PIGN: variants seen among roughly 807,000 people sequenced by gnomAD.
PIGN encodes the protein GPI ethanolamine phosphate transferase 1.
Under a neutral mutation model 125.4 loss-of-function variants are expected in PIGN, and 117 were observed. The ratio of observed to expected loss-of-function variants is 0.93; its 90% CI spans 0.80 to 1.09. The LOEUF is 1.09. Among genes scored for constraint, PIGN ranks in the 50% least tolerant of loss-of-function variants. The pLI, the probability that PIGN is intolerant of heterozygous loss-of-function variation, is 0.00. For synonymous variants in PIGN, 392 were observed against 377.8 expected (o/e 1.04, Z -0.44); for missense variants, 1,075 against 1,094.9 (o/e 0.98, Z 0.26).
At chr18:62,106,378 C>T (rs2034638979) in intron 19 of PIGN, among the ~76,000 whole-genome samples, 1 of 105,752 alleles carries the variant, frequency 9.5e-6, no homozygotes, top group African/African-American at 2.6e-5. Context: ...CATACTTATC[C>T]AGAAAAAAAA....
At chr18:62,023,387 G>A (rs1276597250) in intron 23 of PIGN, among the ~76,000 whole-genome samples, 1 of 152,120 alleles carries the variant, frequency 6.6e-6, no homozygotes, top group East Asian at 1.9e-4. Flanking sequence ...CACCCATGTG[G>A]TAGCATGTAC....
chr18:62,113,760 T>C (rs1020524723), intron 15 of PIGN, among the ~76,000 whole-genome samples: 5 of 152,230 alleles, frequency 3.3e-5, no homozygotes, highest in African/African-American at 1.2e-4. Flanking sequence ...TTTAAAATCA[T>C]CAAAAAAAGC....
At chr18:62,047,543 C>T (rs1452186228) in intron 30 of PIGN, among the ~76,000 whole-genome samples, 1 of 152,118 alleles carries the variant, frequency 6.6e-6, no homozygotes, top group East Asian at 1.9e-4. Context: ...GTCATGAAGG[C>T]AGTAGTGGAG....
chr18:62,103,037 G>T, intron 20 of PIGN, 135 bp from the exon 21 acceptor site: 2 of 431,668 alleles, frequency 4.6e-6, no homozygotes, highest in Non-Finnish European at 4.1e-6. Flanking sequence ...TAGCAAAATG[G>T]GTACATTTTC....
intron 23 of PIGN, among the ~76,000 whole-genome samples, chr18:62,094,988 TA>T (rs1440111870): frequency 6.6e-6 from 1 of 152,176 alleles, no homozygotes; most frequent in African/African-American, 2.4e-5. Flanking sequence ...CTATGACAAC[TA>T]AGTTTCCAAA....
intron 9 of PIGN, among the ~76,000 whole-genome samples, chr18:62,146,442 C>T (rs2036331444): frequency 6.6e-6 from 1 of 152,162 alleles, no homozygotes; most frequent in African/African-American, 2.4e-5. Flanking sequence ...TCTCTGGGTC[C>T]TTTTCTTCCA....
At chr18:62,161,104 G>T in intron 4 of PIGN, 29 bp downstream of exon 4, 2 of 1,400,340 alleles carry the variant, frequency 1.4e-6, no homozygotes, top group South Asian at 1.2e-5. Context: ...CATTTTAAGA[G>T]ATGTCTCTGT....
At chr18:62,157,637 A>G (rs2036786570) in intron 5 of PIGN, 50 bp downstream of exon 5, 1 of 1,541,542 alleles carries the variant, frequency 6.5e-7, no homozygotes. Context: ...AAGGACTAAT[A>G]TTTACTTGAC....
At chr18:62,036,511 C>G (rs2030263034), downstream of PIGN, among the ~76,000 whole-genome samples, 1 of 152,082 alleles carries the variant, frequency 6.6e-6, no homozygotes, top group African/African-American at 2.4e-5. Flanking sequence ...ACATGTGAAC[C>G]GTGGATTATG....
rs1254837036 is a variant in PIGN, at chr18:62,101,226, G to A, written c.1969-43C>T. ...ATAGGTTAAAAAAAGAGAAGGTAGT[G>A]AAAGACTCTAACTAGCAAGAATGTA... On this transcript the variant is annotated intron_variant, in intron 21 of 30. Coordinates refer to ENST00000640252, the MANE Select transcript of PIGN (RefSeq NM_176787.5). The A allele has an allele frequency of 2.7e-6, 3 of 1,102,280 alleles. No homozygotes were observed. The South Asian group carries it at 3.9e-5, about 14-fold the overall frequency. 68.3% of individuals were successfully genotyped at this position (1,102,280 alleles called of 1,614,324 possible).
chr18:62,179,026 T>C (rs1376728771), intron 1 of PIGN, among the ~76,000 whole-genome samples: 2 of 152,184 alleles, frequency 1.3e-5, no homozygotes, highest in African/African-American at 4.8e-5. Context: ...CTTGTGAGTT[T>C]TGAGGAGTAC....
intron 22 of PIGN, among the ~76,000 whole-genome samples, chr18:62,097,982 A>G (rs2034281045): frequency 6.6e-6 from 1 of 152,184 alleles, no homozygotes; most frequent in Admixed American, 6.5e-5. Context: ...GTTGGGATGA[A>G]ATCCCGGCTG....
At chr18:62,153,688 C>A (rs1216494412) in intron 7 of PIGN, 2 of 151,898 alleles carry the variant, frequency 1.3e-5, no homozygotes, top group Non-Finnish European at 2.9e-5. Flanking sequence ...AAGGGAAAAA[C>A]CCTTGGAAAA....
chr18:62,020,433 A>T (rs1002101925), intron 23 of PIGN, among the ~76,000 whole-genome samples: 4 of 152,208 alleles, frequency 2.6e-5, no homozygotes, highest in Admixed American at 2.6e-4. Flanking sequence ...ATCTGGAACC[A>T]GGAGAAAAGT....
chr18:62,132,735 T>C (rs2035786209), intron 14 of PIGN, among the ~76,000 whole-genome samples: 1 of 152,210 alleles, frequency 6.6e-6, no homozygotes, highest in South Asian at 2.1e-4. Flanking sequence ...ATCTTTTCCA[T>C]ATGACTGTTA....
intron 18 of PIGN, 46 bp from the exon 19 acceptor site, chr18:62,106,927 T>C: frequency 6.5e-7 from 1 of 1,542,078 alleles, no homozygotes; most frequent in East Asian, 2.4e-5. Flanking sequence ...GGTCATTTAA[T>C]ACTAGTTACA....
downstream of PIGN, among the ~76,000 whole-genome samples, chr18:62,038,312 T>TG (rs1325573497): frequency 6.9e-5 from 7 of 101,924 alleles, no homozygotes; most frequent in Non-Finnish European, 1.9e-4. Flanking sequence ...CTCCGTGTTT[T>TG]TTTTTTTTTT....
Position 62,102,892 on chromosome 18 carries a change from C to T in PIGN, c.1870G>A (p.Gly624Ser). 2 of 1,561,006 alleles carry T rather than the reference C, an allele frequency of 1.3e-6. No homozygotes were observed. Among genetic ancestry groups the T allele is most frequent in the Admixed American group, 1.9e-5 (1 of 51,792 alleles). Residue 624 changes from glycine (G) to serine (S), a missense_variant, in exon 21 of 31, where the codon GGC becomes AGC. Gly to Ser is a moderately conservative substitution (Grantham distance 56). This residue lies in a region of PIGN where 915 missense variants were observed against 908.7 expected (regional missense o/e 1.01). Coordinates refer to ENST00000640252, the MANE Select transcript of PIGN (RefSeq NM_176787.5). ...KPDISLVMGAGLLVLLLSLCV... is the reference protein window; with the variant it reads ...KPDISLVMGASLLVLLLSLCV... ...AGGGATAACAGAAGAACCAGCAAGC[C>T]TGCACCCATCCTGTTTTGAAATACA...
At chr18:62,125,569 T>G (rs1251537110) in intron 14 of PIGN, among the ~76,000 whole-genome samples, 1 of 152,068 alleles carries the variant, frequency 6.6e-6, no homozygotes, top group Non-Finnish European at 1.5e-5. Context: ...TTAAAGATTT[T>G]AAATACTTTA....
Sources: gnomAD v4.1 joint callset for allele counts (sites outside exome capture counted in the v4.1 genomes callset) on GRCh38, gnomAD v4.1.1 for gene constraint, gnomAD v4.1.1 regional missense constraint, MANE v1.5 for transcripts, NCBI Gene and HGNC (gene_info 2026-07-23, HGNC 2026-07-21) for gene names.